The following PDE7A variants were observed in gnomAD, a reference collection of about 807,000 sequenced individuals.
PDE7A encodes the protein high affinity 3',5'-cyclic-AMP phosphodiesterase 7A.
In PDE7A, 39 loss-of-function variants were observed where a neutral mutation model predicts 64.3. The observed-to-expected ratio is 0.61, with a 90% CI of 0.47 to 0.79. PDE7A has a LOEUF of 0.79. PDE7A is among the 30% of genes least tolerant of loss of function. The pLI is 0.00. For synonymous variants in PDE7A, 203 were observed against 206.8 expected, an observed-to-expected ratio of 0.98 and a Z score of 0.16; for missense variants, 470 against 582.8, an observed-to-expected ratio of 0.81 and a Z score of 1.99.
chr8:65,798,545 C>T (rs1351748904), intron 1 of PDE7A, among the ~76,000 whole-genome samples: 1 of 151,918 alleles, frequency 6.6e-6, no homozygotes, highest in African/African-American at 2.4e-5. Context: ...ATAAGACAAC[C>T]CAATTTAAAA....
chr8:65,786,023 A>G (rs532425648), intron 1 of PDE7A, among the ~76,000 whole-genome samples: 1 of 152,304 alleles, frequency 6.6e-6, no homozygotes, highest in Non-Finnish European at 1.5e-5. Context: ...ATGGCATACT[A>G]AACTTAACTA....
intron 3 of PDE7A, among the ~76,000 whole-genome samples, chr8:65,755,434 T>G (rs1003872194): frequency 6.6e-6 from 1 of 152,234 alleles, no homozygotes; most frequent in African/African-American, 2.4e-5. Flanking sequence ...GTGGTTACTT[T>G]GGGGTTTACA....
chr8:65,802,173 G>A (rs992245226), intron 1 of PDE7A, among the ~76,000 whole-genome samples: 2 of 152,184 alleles, frequency 1.3e-5, no homozygotes, highest in African/African-American at 4.8e-5. Flanking sequence ...AGAGGCTGGG[G>A]AGAGCAGGGA....
chr8:65,820,150 C>T (rs867886928), intron 1 of PDE7A, among the ~76,000 whole-genome samples: 1 of 152,230 alleles, frequency 6.6e-6, no homozygotes, highest in Non-Finnish European at 1.5e-5. Context: ...CATCCCAACA[C>T]GTTGGGAGGC....
intron 12 of PDE7A, chr8:65,721,712 T>C (rs560828200): frequency 2.2e-4 from 33 of 152,302 alleles, no homozygotes; most frequent in African/African-American, 7.7e-4. Context: ...AGGGAGTAGT[T>C]TACTAGGATA....
chr8:65,827,213 T>C lies in PDE7A; in HGVS notation c.138+14158A>G, dbSNP rs544097541. 1.1e-4 allele frequency among the ~76,000 whole-genome samples: 16 copies of C among 152,316 alleles called. No homozygotes were observed. The East Asian group carries it at 1.5e-3, about 15-fold the overall frequency. ...TCCAAAAGTGTTCCATAAGGCTGAATAGTCAAAATCAGAAACATTCAACAG... is the reference window on the plus strand; with the variant it reads ...TCCAAAAGTGTTCCATAAGGCTGAACAGTCAAAATCAGAAACATTCAACAG... On this transcript the variant is annotated intron_variant, in intron 1 of 12. Coordinates refer to ENST00000401827, the MANE Select transcript of PDE7A (RefSeq NM_001242318.3).
At chr8:65,772,849 C>CA (rs1004522272) in intron 3 of PDE7A, among the ~76,000 whole-genome samples, 10 of 150,796 alleles carry the variant, frequency 6.6e-5, no homozygotes, top group South Asian at 2.1e-4. Context: ...AATAAAAATA[C>CA]AAAAAAAAAT....
chr8:65,817,563 T>C (rs956804773), intron 1 of PDE7A, among the ~76,000 whole-genome samples: 8 of 152,182 alleles, frequency 5.3e-5, no homozygotes, highest in African/African-American at 1.9e-4. Flanking sequence ...CCTGTAATAA[T>C]TTCTCAGTTT....
intron 1 of PDE7A, among the ~76,000 whole-genome samples, chr8:65,806,983 C>T (rs1810129142): frequency 6.6e-6 from 1 of 152,190 alleles, no homozygotes; most frequent in Non-Finnish European, 1.5e-5. Flanking sequence ...GTGAGTCCTA[C>T]TTTGTTCTTT....
In PDE7A at chr8:65,716,026, T is replaced by C. The variant is rs1279020840; in HGVS notation, c.*3264A>G. On this transcript the variant is annotated 3_prime_UTR_variant, in exon 13 of 13. Transcript: ENST00000401827. ...AAAAAAAAAAAAAAAAAAAAAAAAATTAGCTGGGTGGTGTGGTGGCACTCA... is the reference window on the plus strand; with the variant it reads ...AAAAAAAAAAAAAAAAAAAAAAAAACTAGCTGGGTGGTGTGGTGGCACTCA... 3.5e-5 allele frequency among the ~76,000 whole-genome samples: 3 copies of C among 85,962 alleles called. No homozygotes were observed. The highest frequency in any genetic ancestry group is 1.3e-3 in the East Asian group (2 of 1,524). 56.4% of individuals were successfully genotyped at this position (85,962 alleles called of 152,430 possible). A position where few individuals can be genotyped will look rare whatever the true frequency, so the allele number is the denominator to read the frequency against.
At chr8:65,754,634 C>T (rs1029746095) in intron 3 of PDE7A, among the ~76,000 whole-genome samples, 3 of 150,774 alleles carry the variant, frequency 2.0e-5, no homozygotes, top group Admixed American at 6.6e-5. Context: ...CATGCCCAGC[C>T]GTTATTTGTC....
chr8:65,792,972 C>G (rs1475341251), intron 1 of PDE7A, among the ~76,000 whole-genome samples: 1 of 151,968 alleles, frequency 6.6e-6, no homozygotes, highest in Non-Finnish European at 1.5e-5. Context: ...ATGAAAATGT[C>G]ATGTGATTTC....
chr8:65,723,458 A>G lies in PDE7A; in HGVS notation c.1243+83T>C, dbSNP rs74800542. On this transcript the variant is annotated intron_variant, in intron 12 of 12. Coordinates refer to ENST00000401827, the MANE Select transcript of PDE7A (RefSeq NM_001242318.3). The stretch of plus-strand genomic sequence containing the variant: ...AAATAGAAATGAGCATAATTTTAAT[A>G]TTTTATATTTCAAATATATTTCCCT... The G allele has an allele frequency of 8.8e-3, 10,750 of 1,224,856 alleles. 67 individuals are homozygous for G. Among genetic ancestry groups the G allele is most frequent in the Middle Eastern group, 0.021 (72 of 3,486 alleles). The allele number at this position is 1,224,856 out of a possible 1,614,324, so 75.9% of individuals were successfully genotyped here. A position where few individuals can be genotyped will look rare whatever the true frequency, so the allele number is the denominator to read the frequency against.
At chr8:65,745,276 A>G (rs1032373487) in intron 5 of PDE7A, 131 bp downstream of exon 5, 16 of 670,090 alleles carry the variant, frequency 2.4e-5, no homozygotes, top group Non-Finnish European at 4.1e-5. Flanking sequence ...GTGAAAATGG[A>G]CTAATACACT....
intron 1 of PDE7A, among the ~76,000 whole-genome samples, chr8:65,805,608 T>C (rs1399385538): frequency 1.3e-5 from 2 of 152,156 alleles, no homozygotes; most frequent in African/African-American, 2.4e-5. Context: ...ACAACCTTCA[T>C]GTTATCGTTT....
intron 5 of PDE7A, among the ~76,000 whole-genome samples, chr8:65,740,114 C>G (rs1207050124): frequency 6.8e-6 from 1 of 146,892 alleles, no homozygotes; most frequent in Non-Finnish European, 1.5e-5. Context: ...ATTAAAAACT[C>G]TGAACTCAGC....
intron 4 of PDE7A, 120 bp downstream of exon 4, chr8:65,747,532 A>G: frequency 1.8e-6 from 1 of 545,102 alleles, no homozygotes; most frequent in Non-Finnish European, 3.0e-6. Flanking sequence ...CCTGGAAAAT[A>G]GGCTCAACTG....
intron 1 of PDE7A, among the ~76,000 whole-genome samples, chr8:65,807,194 A>G (rs905111956): frequency 6.6e-6 from 1 of 152,184 alleles, no homozygotes; most frequent in Non-Finnish European, 1.5e-5. Context: ...ATTTATTTAG[A>G]TCTTCAATTT....
At chr8:65,776,244 C>A (rs1186723295) in intron 3 of PDE7A, among the ~76,000 whole-genome samples, 1 of 152,194 alleles carries the variant, frequency 6.6e-6, no homozygotes, top group Non-Finnish European at 1.5e-5. Context: ...TTCATTACCA[C>A]ACTTGTCACA....
Sources: allele counts gnomAD v4.1 joint callset (sites outside exome capture counted in the v4.1 genomes callset), GRCh38; gene constraint gnomAD v4.1.1; transcripts MANE v1.5; gene names NCBI Gene and HGNC (gene_info 2026-07-23, HGNC 2026-07-21).